Variants in PCLO observed in about 807,000 individuals in gnomAD.
PCLO encodes the protein protein piccolo.
PCLO carries 82 observed loss-of-function variants against 427.5 expected under a neutral mutation model. The observed-to-expected ratio is 0.19, with a 90% CI of 0.16 to 0.23. The LOEUF (loss-of-function observed/expected upper bound fraction) is 0.23, where lower values mean the gene tolerates loss of function less well. PCLO is among the 10% of genes least tolerant of loss of function. The pLI, the probability that PCLO is intolerant of heterozygous loss-of-function variation, is 1.00. For synonymous variants in PCLO, 2,357 were observed against 2,155.4 expected (o/e 1.09, Z -2.59); for missense variants, 6,239 against 6,115.9 (o/e 1.02, Z -0.67).
chr7:83,088,275 G>A (rs1201541824), intron 3 of PCLO, among the ~76,000 whole-genome samples: 2 of 152,130 alleles, frequency 1.3e-5, no homozygotes, highest in Middle Eastern at 6.3e-3. Context: ...AAAAAGAAGA[G>A]GGTGAAGAAA....
intron 14 of PCLO, among the ~76,000 whole-genome samples, chr7:82,838,906 TA>T (rs1314743941): frequency 6.6e-6 from 1 of 152,036 alleles, no homozygotes; most frequent in Non-Finnish European, 1.5e-5. Flanking sequence ...CCAGCTTTCC[TA>T]ATAGAGTGAG....
intron 3 of PCLO, among the ~76,000 whole-genome samples, chr7:83,031,745 C>CCT (rs777111767): frequency 6.8e-6 from 1 of 147,936 alleles, no homozygotes; most frequent in Admixed American, 6.7e-5. Flanking sequence ...CCTCCCCCTC[C>CCT]CTCTCTCTCT....
chr7:83,001,505 AACACACACAC>A (rs3035080), intron 3 of PCLO, among the ~76,000 whole-genome samples: 7 of 149,050 alleles, frequency 4.7e-5, no homozygotes, highest in Non-Finnish European at 1.0e-4. Context: ...CACACATACA[AACACACACAC>A]ACACACACAC....
chr7:82,958,620 A>G (rs1795586527), intron 4 of PCLO, among the ~76,000 whole-genome samples: 1 of 152,178 alleles, frequency 6.6e-6, no homozygotes, highest in Admixed American at 6.5e-5. Context: ...GCAAAAACTA[A>G]TGCCTACTCT....
At position 82,956,579 on chromosome 7, in the gene PCLO, G is replaced by A; in HGVS notation, c.4374C>T (p.Thr1458=). The change falls in exon 5 of 25, where the codon ACC becomes ACT. Residue 1458 remains threonine (T), a synonymous_variant. Coordinates refer to ENST00000333891, the MANE Select transcript of PCLO (RefSeq NM_033026.6). ...DQEKTQSLSE[T]LEITISEEEI... ...CCTCTTCTGAAATAGTAATTTCCAAGGTTTCAGATAAACTCTGAGTTTTCT... is the reference window on the plus strand; with the variant it reads ...CCTCTTCTGAAATAGTAATTTCCAAAGTTTCAGATAAACTCTGAGTTTTCT... 6.2e-7 allele frequency: 1 copy of A among 1,612,694 alleles called. No individual in the cohort carries two copies. The highest frequency in any genetic ancestry group is 1.1e-5 in the South Asian group (1 of 90,912).
intron 3 of PCLO, among the ~76,000 whole-genome samples, chr7:83,089,045 A>C (rs1790310932): frequency 6.6e-6 from 1 of 152,170 alleles, no homozygotes; most frequent in African/African-American, 2.4e-5. Context: ...TATGTGAGAG[A>C]AAATGAGTCA....
intron 22 of PCLO, among the ~76,000 whole-genome samples, chr7:82,792,469 G>T (rs1791122422): frequency 6.6e-6 from 1 of 151,638 alleles, no homozygotes; most frequent in African/African-American, 2.4e-5. Flanking sequence ...TGGGACCACA[G>T]GCATGGCGCC....
At chr7:83,121,349 T>C (rs1243984941) in intron 3 of PCLO, among the ~76,000 whole-genome samples, 1 of 152,026 alleles carries the variant, frequency 6.6e-6, no homozygotes, top group Non-Finnish European at 1.5e-5. Flanking sequence ...TTTGTAAGTC[T>C]CATGGTAACC....
Position 82,954,185 on chromosome 7 carries a change from T to C in PCLO, c.6768A>G (p.Arg2256=), listed in dbSNP as rs1795445571. ...SLDRTAPPDG[R]ASADHIVISL... is the part of the protein sequence containing the mutation. ...AAATAACAATATGATCAGCACTAGC[T>C]CTACCATCTGGTGGGGCAGTCCGAT... The change falls in exon 5 of 25, where the codon AGA becomes AGG. Residue 2256 remains arginine, a synonymous_variant. Transcript: ENST00000333891. 4 of 1,613,460 alleles carry C rather than the reference T, an allele frequency of 2.5e-6. No individual in the cohort carries two copies. Among genetic ancestry groups the C allele is most frequent in the Non-Finnish European group, 3.4e-6 (4 of 1,179,590 alleles).
At chr7:82,846,706 C>A in intron 11 of PCLO, 72 bp from the exon 12 acceptor site, 1 of 959,782 alleles carries the variant, frequency 1.0e-6, no homozygotes. Flanking sequence ...TTTCCAACTA[C>A]CCTTAATTTT....
intron 7 of PCLO, among the ~76,000 whole-genome samples, chr7:82,912,692 C>T (rs1313626549): frequency 6.6e-6 from 1 of 152,006 alleles, no homozygotes; most frequent in Non-Finnish European, 1.5e-5. Context: ...TTCACACAGT[C>T]TTTGATGATT....
chr7:82,936,306 C>A (rs1245307908), intron 6 of PCLO, among the ~76,000 whole-genome samples: 1 of 151,466 alleles, frequency 6.6e-6, no homozygotes, highest in African/African-American at 2.4e-5. Flanking sequence ...AGAAAATTCT[C>A]AAATATGCAA....
At chr7:82,822,140 G>T in intron 20 of PCLO, 2 of 1,041,064 alleles carry the variant, frequency 1.9e-6, no homozygotes, top group Non-Finnish European at 2.3e-6. Context: ...GCAGCCACTT[G>T]TGCTTATAAT....
chr7:82,933,229 AT>A (rs1323003178), intron 6 of PCLO, among the ~76,000 whole-genome samples: 4 of 152,026 alleles, frequency 2.6e-5, no homozygotes, highest in Non-Finnish European at 5.9e-5. Flanking sequence ...AATGAGAATA[AT>A]TTATTAGGAT....
At chr7:83,010,223 T>C (rs565884298) in intron 3 of PCLO, among the ~76,000 whole-genome samples, 3 of 152,080 alleles carry the variant, frequency 2.0e-5, no homozygotes, top group African/African-American at 7.2e-5. Context: ...CTTCTCAATG[T>C]CAACAAATAG....
At chr7:82,862,860 G>A (rs1792995477) in intron 10 of PCLO, among the ~76,000 whole-genome samples, 1 of 151,934 alleles carries the variant, frequency 6.6e-6, no homozygotes, top group Non-Finnish European at 1.5e-5. Flanking sequence ...GTTGGAAATA[G>A]TAGTAGGGAG....
intron 6 of PCLO, among the ~76,000 whole-genome samples, chr7:82,930,383 T>C (rs1158860639): frequency 6.6e-6 from 1 of 152,096 alleles, no homozygotes; most frequent in Non-Finnish European, 1.5e-5. Flanking sequence ...TTTTAGACTT[T>C]ATCAAATAAG....
intron 22 of PCLO, among the ~76,000 whole-genome samples, chr7:82,777,869 T>G (rs1454448692): frequency 6.6e-6 from 1 of 152,142 alleles, no homozygotes; most frequent in East Asian, 1.9e-4. Flanking sequence ...ACAAAGATTT[T>G]ATAATGAAGA....
In PCLO at chr7:83,045,117, G is replaced by A. The variant is rs1472848432; in HGVS notation, c.3301-78630C>T. Among the ~76,000 whole-genome samples, 3 of 152,108 alleles carry A rather than the reference G, an allele frequency of 2.0e-5. No individual in the cohort carries two copies. In the East Asian group the frequency reaches 5.8e-4, roughly 29 times the overall value. On this transcript the variant is annotated intron_variant, in intron 3 of 24. Transcript: ENST00000333891. Reference sequence around the variant, plus strand: ...TTTTCTCAAGCAAGGTATATCTGATGCAATTCAATTTTAATGACATCATTT... The same window carrying A: ...TTTTCTCAAGCAAGGTATATCTGATACAATTCAATTTTAATGACATCATTT...
Sources: gnomAD v4.1 joint callset for allele counts (sites outside exome capture counted in the v4.1 genomes callset) on GRCh38, gnomAD v4.1.1 for gene constraint, MANE v1.5 for transcripts, NCBI Gene and HGNC (gene_info 2026-07-23, HGNC 2026-07-21) for gene names.